CCDC34: variants seen among roughly 807,000 people sequenced by gnomAD.
CCDC34 encodes the protein coiled-coil domain-containing protein 34.
A neutral mutation model predicts 44.1 loss-of-function variants in CCDC34; 40 were observed. That is an observed-to-expected ratio of 0.91 (90% confidence interval 0.70 to 1.18). The LOEUF is 1.18. Among genes scored for constraint, CCDC34 ranks in the 50% most tolerant of loss-of-function variants. The pLI is 0.00. For synonymous variants in CCDC34, 159 were observed against 158.2 expected, an observed-to-expected ratio of 1.01 and a Z score of -0.04; for missense variants, 466 against 452.3, an observed-to-expected ratio of 1.03 and a Z score of -0.28.
At chr11:27,344,900 T>C (rs1445764241) in intron 3 of CCDC34, among the ~76,000 whole-genome samples, 3 of 152,124 alleles carry the variant, frequency 2.0e-5, no homozygotes, top group East Asian at 1.9e-4. Flanking sequence ...TGAAAAAGAA[T>C]TGAAGACCTG....
chr11:27,340,660 C>G, intron 5 of CCDC34, 36 bp downstream of exon 5: 1 of 1,559,812 alleles, frequency 6.4e-7, no homozygotes, highest in South Asian at 1.2e-5. Context: ...CTTCTGCAAA[C>G]CATATTTATG....
chr11:27,341,563 T>C lies in CCDC34; in HGVS notation c.607-13A>G, dbSNP rs1338646302. 2.6e-6 allele frequency: 3 copies of C among 1,160,086 alleles called. No individual in the cohort carries two copies. The African/African-American group carries it at 4.8e-5, about 18-fold the overall frequency. 71.9% of individuals were successfully genotyped at this position (1,160,086 alleles called of 1,614,324 possible). ...TTTCTTTTCTTTTCTTAAATAAAAATAGATAAAGTTTAATTGTAATACCAG... is the reference window on the plus strand; with the variant it reads ...TTTCTTTTCTTTTCTTAAATAAAAACAGATAAAGTTTAATTGTAATACCAG... On this transcript the variant is annotated splice_polypyrimidine_tract_variant and intron_variant, in intron 3 of 5. Transcript: ENST00000328697.
Position 27,338,708 on chromosome 11 carries a change from G to A in CCDC34, c.*113C>T. 1 of 861,098 alleles carries A rather than the reference G, an allele frequency of 1.2e-6. No individual in the cohort carries two copies. Among genetic ancestry groups the A allele is most frequent in the Non-Finnish European group, 1.8e-6 (1 of 551,630 alleles). 53.3% of individuals were successfully genotyped at this position (861,098 alleles called of 1,614,324 possible). On this transcript the variant is annotated 3_prime_UTR_variant, in exon 6 of 6. Transcript: ENST00000328697. ...GACTCCATATACAAATGCAAAAATTGCTATTTGTCAATAATCACATTAAGT... is the reference window on the plus strand; with the variant it reads ...GACTCCATATACAAATGCAAAAATTACTATTTGTCAATAATCACATTAAGT...
At chr11:27,356,088 A>G (rs1247700346) in intron 2 of CCDC34, among the ~76,000 whole-genome samples, 1 of 130,260 alleles carries the variant, frequency 7.7e-6, no homozygotes, top group Non-Finnish European at 1.5e-5. Context: ...GTGTGATCTC[A>G]GCTCACCACA....
rs202073442 is a variant in CCDC34, at chr11:27,341,360, T to C, written c.765+32A>G. The C allele has an allele frequency of 2.1e-3, 2,735 of 1,320,804 alleles. 85 individuals carry two copies. In the South Asian group the frequency reaches 0.04, roughly 19 times the overall value. The allele number at this position is 1,320,804 out of a possible 1,614,324, so 81.8% of individuals were successfully genotyped here. A position where few individuals can be genotyped will look rare whatever the true frequency, so the allele number is the denominator to read the frequency against. ...TTGACACATATGAACACCAAAGTTATGTATTCTAACTGGTCACTTTAATAA... is the reference window on the plus strand; with the variant it reads ...TTGACACATATGAACACCAAAGTTACGTATTCTAACTGGTCACTTTAATAA... On this transcript the variant is annotated intron_variant, in intron 4 of 5. Coordinates refer to ENST00000328697, the MANE Select transcript of CCDC34 (RefSeq NM_030771.2).
chr11:27,339,727 A>G (rs950705246), intron 5 of CCDC34, among the ~76,000 whole-genome samples: 1 of 152,248 alleles, frequency 6.6e-6, no homozygotes, highest in African/African-American at 2.4e-5. Flanking sequence ...AGCATAAAGA[A>G]TAAAGAAACT....
Position 27,340,806 on chromosome 11 carries a change from T to G in CCDC34, c.797A>C (p.Gln266Pro). The stretch of plus-strand genomic sequence containing the variant: ...TTTTTCTGCTATTTCCTTTTTCTCC[T>G]GTATTTCAGCTTGCTGTTGTTTTTC... ...EKEKQQQAEI[Q>P]EKKEIAEKKF... The change falls in exon 5 of 6, where the codon CAG becomes CCG. Residue 266 changes from glutamine (Q) to proline (P), a missense_variant. By Grantham distance (76) the Gln-to-Pro change is moderately conservative. Coordinates refer to ENST00000328697, the MANE Select transcript of CCDC34 (RefSeq NM_030771.2). The G allele has an allele frequency of 2.5e-6, 4 of 1,613,420 alleles. No homozygotes were observed. The highest frequency in any genetic ancestry group is 3.4e-6 in the Non-Finnish European group (4 of 1,179,688).
chr11:27,361,113 A>G (rs1288983228), intron 1 of CCDC34, among the ~76,000 whole-genome samples: 1 of 152,224 alleles, frequency 6.6e-6, no homozygotes, highest in East Asian at 1.9e-4. Context: ...TGCCACACAC[A>G]ATGCTTGACA....
In CCDC34 at chr11:27,340,659, A is replaced by G. The variant is rs1014215603; in HGVS notation, c.907+37T>C. ...AGGAGTATAATATTTGCTTCTGCAAACCATATTTATGTAAGCCACACAACA... is the reference window on the plus strand; with the variant it reads ...AGGAGTATAATATTTGCTTCTGCAAGCCATATTTATGTAAGCCACACAACA... On this transcript the variant is annotated intron_variant, in intron 5 of 5. Coordinates refer to ENST00000328697, the MANE Select transcript of CCDC34 (RefSeq NM_030771.2). 2.6e-6 allele frequency: 4 copies of G among 1,552,522 alleles called. No homozygotes were observed. In the African/African-American group the frequency reaches 5.5e-5, roughly 22 times the overall value.
chr11:27,362,950 C>A lies in CCDC34; in HGVS notation c.245G>T (p.Gly82Val). The change falls in exon 1 of 6, where the codon GGT becomes GTT. Residue 82 changes from glycine (G) to valine (V), a missense_variant. Gly to Val is a moderately radical substitution (Grantham distance 109, BLOSUM62 -3). Transcript: ENST00000328697. ...HQSFQFDEDDGDGEDEEDVDD... is the reference protein window; with the variant it reads ...HQSFQFDEDDVDGEDEEDVDD... Reference sequence around the variant, plus strand: ...CACGTCTTCCTCATCCTCCCCGTCACCGTCGTCCTCGTCAAACTGGAAGCT... The same window carrying A: ...CACGTCTTCCTCATCCTCCCCGTCAACGTCGTCCTCGTCAAACTGGAAGCT... The A allele has an allele frequency of 6.2e-7, 1 of 1,614,056 alleles. No individual in the cohort carries two copies. The highest frequency in any genetic ancestry group is 8.5e-7 in the Non-Finnish European group (1 of 1,179,964).
chr11:27,362,750 G>T, intron 1 of CCDC34, 86 bp downstream of exon 1: 1 of 1,466,540 alleles, frequency 6.8e-7, no homozygotes, highest in Non-Finnish European at 9.2e-7. Flanking sequence ...TTGGGGCGGA[G>T]GGCAGGAGGA....
chr11:27,361,536 A>C (rs933408089), intron 1 of CCDC34, among the ~76,000 whole-genome samples: 2 of 152,180 alleles, frequency 1.3e-5, no homozygotes, highest in Non-Finnish European at 2.9e-5. Flanking sequence ...TCTACCATTA[A>C]ATTTTACTAT....
intron 3 of CCDC34, chr11:27,348,766 A>T: frequency 1.3e-6 from 1 of 787,820 alleles, no homozygotes; most frequent in Non-Finnish European, 1.5e-6. Context: ...AGGTAAATGT[A>T]ACTATGTCTG....
intron 4 of CCDC34, among the ~76,000 whole-genome samples, chr11:27,341,048 A>G (rs1328506945): frequency 2.0e-5 from 3 of 152,188 alleles, no homozygotes; most frequent in Non-Finnish European, 4.4e-5. Flanking sequence ...ATAAGACATC[A>G]AACCCACAAA....
At chr11:27,360,145 C>G (rs954889326) in intron 1 of CCDC34, among the ~76,000 whole-genome samples, 1 of 152,144 alleles carries the variant, frequency 6.6e-6, no homozygotes, top group Non-Finnish European at 1.5e-5. Flanking sequence ...TACTTATAAT[C>G]AAGAAAGGCT....
chr11:27,345,086 T>A (rs1447107130), intron 3 of CCDC34, among the ~76,000 whole-genome samples: 2 of 152,200 alleles, frequency 1.3e-5, no homozygotes, highest in Non-Finnish European at 1.5e-5. Context: ...GGTAGTTTAA[T>A]AGGGAAAAGA....
intron 3 of CCDC34, among the ~76,000 whole-genome samples, chr11:27,346,474 AGAAGGAAGGAAG>A (rs35249457): frequency 0.038 from 4,812 of 128,110 alleles, 107 homozygotes; most frequent in East Asian, 0.087. Flanking sequence ...GACAGAGGAA[AGAAGGAAGGAAG>A]GAAGGAAGGA....
intron 3 of CCDC34, among the ~76,000 whole-genome samples, chr11:27,345,270 GCAAA>G (rs2133340849): frequency 6.6e-6 from 1 of 152,112 alleles, no homozygotes; most frequent in East Asian, 1.9e-4. Flanking sequence ...CTTGTGGTGG[GCAAA>G]CATTTTTTTT....
Position 27,338,548 on chromosome 11 carries a change from G to A in CCDC34, c.*273C>T, listed in dbSNP as rs1180876500. ...TTGTTAGTTTTATTGGTATTACAGT[G>A]TACTTTTAATACAAGCTAAATACAA... On this transcript the variant is annotated 3_prime_UTR_variant, in exon 6 of 6. Transcript: ENST00000328697. 5.3e-6 allele frequency: 2 copies of A among 378,790 alleles called. No individual in the cohort carries two copies. The highest frequency in any genetic ancestry group is 9.4e-6 in the Non-Finnish European group (2 of 211,862). The allele number at this position is 378,790 out of a possible 1,614,324, so 23.5% of individuals were successfully genotyped here.
Sources: allele counts gnomAD v4.1 joint callset (sites outside exome capture counted in the v4.1 genomes callset), GRCh38; gene constraint gnomAD v4.1.1; transcripts MANE v1.5; gene names NCBI Gene and HGNC (gene_info 2026-07-23, HGNC 2026-07-21).